The following SCFD1 variants were observed in gnomAD, a reference collection of about 807,000 sequenced individuals.
SCFD1 encodes sec1 family domain containing 1, also known as sec1 family domain-containing protein 1.
In SCFD1, 37 loss-of-function variants were observed where a neutral mutation model predicts 103.2. The ratio of observed to expected loss-of-function variants is 0.36; its 90% confidence interval spans 0.28 to 0.47. The LOEUF (loss-of-function observed/expected upper bound fraction) is 0.47, where lower values mean the gene tolerates loss of function less well. Ranked by LOEUF, SCFD1 falls within the 20% of genes least tolerant of loss-of-function variation. The pLI, the probability that SCFD1 is intolerant of heterozygous loss-of-function variation, is 1.00. For synonymous variants in SCFD1, 264 were observed against 245.0 expected (o/e 1.08, Z -0.73); for missense variants, 639 against 761.2 (o/e 0.84, Z 1.89).
At chr14:30,734,975 C>G (rs1893736159) in intron 24 of SCFD1, 117 bp downstream of exon 24, 2 of 702,636 alleles carry the variant, frequency 2.8e-6, no homozygotes, top group East Asian at 5.4e-5. Flanking sequence ...CCAAAGCCAT[C>G]CAGCTATACC....
rs760102819 is a variant in SCFD1, at chr14:30,638,283, A to G, written c.435+36A>G. On this transcript the variant is annotated intron_variant, in intron 5 of 24. Coordinates refer to ENST00000458591, the MANE Select transcript of SCFD1 (RefSeq NM_016106.4). The stretch of plus-strand genomic sequence containing the variant: ...TTGGTGGGTTGATGACATTTTGTCA[A>G]TGTAAAATTTAACACTGTTCTGAAA... 53 of 1,611,952 alleles carry G rather than the reference A, an allele frequency of 3.3e-5. No individual in the cohort carries two copies. In the Admixed American group the frequency reaches 5.0e-4, roughly 15 times the overall value.
At chr14:30,718,562 A>G (rs944631388) in intron 20 of SCFD1, among the ~76,000 whole-genome samples, 2 of 152,246 alleles carry the variant, frequency 1.3e-5, no homozygotes, top group African/African-American at 4.8e-5. Flanking sequence ...GAGGCAATGA[A>G]GAGATTAGCA....
rs375477600 is a variant in SCFD1, at chr14:30,632,256, G to A, written c.221+1691G>A. Among the ~76,000 whole-genome samples the A allele has an allele frequency of 5.9e-5, 9 of 151,846 alleles. No homozygotes were observed. The East Asian group carries it at 1.2e-3, about 19-fold the overall frequency. Reference sequence around the variant, plus strand: ...ACTGGGAATATAGTTTTAGATTTTCGATAAGTAACTTGACAGAATCTGGTT... The same window carrying A: ...ACTGGGAATATAGTTTTAGATTTTCAATAAGTAACTTGACAGAATCTGGTT... On this transcript the variant is annotated intron_variant, in intron 3 of 24. Transcript: ENST00000458591.
In SCFD1 at chr14:30,715,993, CAT is replaced by C. The variant is rs756454041; in HGVS notation, c.1683+19_1683+20del. On this transcript the variant is annotated intron_variant, in intron 20 of 24. Coordinates refer to ENST00000458591, the MANE Select transcript of SCFD1 (RefSeq NM_016106.4). ...GTCAAACCCCGTGAGTACCATATAA[CAT>C]ATTTTGTGTAAATTCCCGAATGTGT... 2.1e-5 allele frequency: 31 copies of C among 1,458,214 alleles called. No individual in the cohort carries two copies. The South Asian group carries it at 3.2e-4, about 15-fold the overall frequency. The allele number at this position is 1,458,214 out of a possible 1,614,324, so 90.3% of individuals were successfully genotyped here. A position where few individuals can be genotyped will look rare whatever the true frequency, so the allele number is the denominator to read the frequency against.
At chr14:30,633,490 A>T (rs538876851) in intron 3 of SCFD1, among the ~76,000 whole-genome samples, 2 of 152,180 alleles carry the variant, frequency 1.3e-5, no homozygotes, top group East Asian at 1.9e-4. Context: ...GTTTGGTTAA[A>T]TTTTTTTATA....
In SCFD1 at chr14:30,724,245, G is replaced by GTTTTTTTTT. The variant is rs58612669; in HGVS notation, c.1836+1705_1836+1713dup. The stretch of plus-strand genomic sequence containing the variant: ...ATGTCCTTTGCCCACTTTTTTATGG[G>GTTTTTTTTT]TTTTTTTTTTTTTTTTTTTTTTTTT... On this transcript the variant is annotated intron_variant, in intron 23 of 24. Coordinates refer to ENST00000458591, the MANE Select transcript of SCFD1 (RefSeq NM_016106.4). Among the ~76,000 whole-genome samples the GTTTTTTTTT allele has an allele frequency of 3.2e-4, 22 of 69,676 alleles. 4 individuals are homozygous for GTTTTTTTTT. The highest frequency in any genetic ancestry group is 1.4e-3 in the African/African-American group (20 of 14,590). The allele number at this position is 69,676 out of a possible 152,430, so 45.7% of individuals were successfully genotyped here.
intron 1 of SCFD1, among the ~76,000 whole-genome samples, chr14:30,626,685 C>A (rs536501132): frequency 6.6e-6 from 1 of 152,302 alleles, no homozygotes; most frequent in South Asian, 2.1e-4. Context: ...CTGGACTCTC[C>A]TATGTGTGTT....
At chr14:30,718,190 ATGT>A (rs891960519) in intron 20 of SCFD1, among the ~76,000 whole-genome samples, 7 of 152,352 alleles carry the variant, frequency 4.6e-5, no homozygotes, top group African/African-American at 1.7e-4. Context: ...CAACCAAGAA[ATGT>A]TGTGACTTCC....
chr14:30,715,993 C>T lies in SCFD1; in HGVS notation c.1683+16C>T. ...GTCAAACCCCGTGAGTACCATATAA[C>T]ATATTTTGTGTAAATTCCCGAATGT... is the stretch of plus-strand genomic sequence containing the variant. On this transcript the variant is annotated intron_variant, in intron 20 of 24. Transcript: ENST00000458591. 6.9e-7 allele frequency: 1 copy of T among 1,458,332 alleles called. No homozygotes were observed. The highest frequency in any genetic ancestry group is 9.5e-7 in the Non-Finnish European group (1 of 1,051,478). The allele number at this position is 1,458,332 out of a possible 1,614,324, so 90.3% of individuals were successfully genotyped here.
intron 1 of SCFD1, among the ~76,000 whole-genome samples, chr14:30,626,982 G>A (rs142754496): frequency 1.3e-5 from 2 of 152,270 alleles, no homozygotes; most frequent in African/African-American, 4.8e-5. Flanking sequence ...TAGTTCTCTC[G>A]TAGGACTTTG....
intron 18 of SCFD1, among the ~76,000 whole-genome samples, chr14:30,707,277 G>A (rs950279834): frequency 5.3e-5 from 8 of 152,158 alleles, no homozygotes; most frequent in African/African-American, 1.9e-4. Context: ...TTACTAATCT[G>A]TCCCACAAAA....
chr14:30,643,607 T>C (rs1885511235), intron 7 of SCFD1, among the ~76,000 whole-genome samples: 1 of 152,218 alleles, frequency 6.6e-6, no homozygotes, highest in Non-Finnish European at 1.5e-5. Context: ...AACAGATCTA[T>C]TGAGTTGTCA....
At chr14:30,639,354 C>A (rs1248722987) in intron 5 of SCFD1, among the ~76,000 whole-genome samples, 1 of 152,168 alleles carries the variant, frequency 6.6e-6, no homozygotes, top group African/African-American at 2.4e-5. Flanking sequence ...CTCTGCACTT[C>A]CAAAGAACTG....
rs765503136 is a variant in SCFD1, at chr14:30,649,549, G to A, written c.635G>A (p.Cys212Tyr). ...VTLGAVPIIRCSRGTAAEMVA... is the reference protein window; with the variant it reads ...VTLGAVPIIRYSRGTAAEMVA... Reference sequence around the variant, plus strand: ...ATAGGTGCTGTTCCTATAATCAGATGTTCAAGAGGAACAGCAGCAGAAATG... The same window carrying A: ...ATAGGTGCTGTTCCTATAATCAGATATTCAAGAGGAACAGCAGCAGAAATG... The change falls in exon 8 of 25, where the codon TGT becomes TAT. Residue 212 changes from cysteine (C) to tyrosine (Y), a missense_variant. Physicochemically the swap from Cys to Tyr is radical, Grantham distance 194. Transcript: ENST00000458591. 7.6e-6 allele frequency: 12 copies of A among 1,575,212 alleles called. No homozygotes were observed. Among genetic ancestry groups the A allele is most frequent in the Non-Finnish European group, 1.7e-6 (2 of 1,167,752 alleles).
At chr14:30,668,465 A>T (rs1249857405) in intron 10 of SCFD1, among the ~76,000 whole-genome samples, 18 of 152,276 alleles carry the variant, frequency 1.2e-4, no homozygotes, top group African/African-American at 3.1e-4. Context: ...AACCTAGGCA[A>T]TACCATTCAG....
intron 2 of SCFD1, among the ~76,000 whole-genome samples, chr14:30,629,182 A>T (rs1368535219): frequency 1.3e-5 from 2 of 152,144 alleles, no homozygotes; most frequent in Non-Finnish European, 2.9e-5. Flanking sequence ...CCTACCCATC[A>T]CTTTTTATAT....
intron 9 of SCFD1, 106 bp downstream of exon 9, chr14:30,650,756 T>C: frequency 1.5e-6 from 1 of 669,686 alleles, no homozygotes; most frequent in South Asian, 2.0e-5. Context: ...ATTTGTTTCT[T>C]TTTAATGAGC....
intron 6 of SCFD1, among the ~76,000 whole-genome samples, chr14:30,640,598 C>T (rs1382274128): frequency 6.6e-6 from 1 of 151,994 alleles, no homozygotes; most frequent in African/African-American, 2.4e-5. Flanking sequence ...AATCAGTCCC[C>T]TTTAACAAGT....
intron 23 of SCFD1, among the ~76,000 whole-genome samples, chr14:30,731,727 T>G (rs1379099869): frequency 6.6e-6 from 1 of 152,262 alleles, no homozygotes; most frequent in Admixed American, 6.5e-5. Flanking sequence ...TTGCTGAAGT[T>G]GCTTATCTGC....
Sources: gnomAD v4.1 joint callset for allele counts (sites outside exome capture counted in the v4.1 genomes callset) on GRCh38, gnomAD v4.1.1 for gene constraint, MANE v1.5 for transcripts, NCBI Gene and HGNC (gene_info 2026-07-23, HGNC 2026-07-21) for gene names.